DPF3: variants seen among roughly 807,000 people sequenced by gnomAD.
DPF3 encodes double PHD fingers 3, also known as zinc finger protein DPF3.
A neutral mutation model predicts 56.8 loss-of-function variants in DPF3; 18 were observed. That is an observed-to-expected ratio of 0.32 (90% CI 0.22 to 0.47). The LOEUF (loss-of-function observed/expected upper bound fraction) is 0.47, where lower values mean the gene tolerates loss of function less well. DPF3 is among the 20% of genes least tolerant of loss of function. DPF3 has a pLI of 1.00. For synonymous variants in DPF3, 188 were observed against 180.2 expected (o/e 1.04, Z -0.35); for missense variants, 403 against 488.8 (o/e 0.82, Z 1.65).
intron 3 of DPF3, among the ~76,000 whole-genome samples, chr14:72,748,472 T>C (rs747954081): frequency 1.3e-5 from 2 of 151,108 alleles, no homozygotes; most frequent in Admixed American, 6.6e-5. Context: ...GACAATGAAA[T>C]AGAAAAAAAA....
intron 1 of DPF3, among the ~76,000 whole-genome samples, chr14:72,777,230 A>G (rs11627305): frequency 0.13 from 20,058 of 150,022 alleles, 1,739 homozygotes; most frequent in Middle Eastern, 0.31. Flanking sequence ...AACACACACG[A>G]AAGCTCATCT....
chr14:72,622,016 T>C (rs965768671), intron 9 of DPF3, among the ~76,000 whole-genome samples: 3 of 152,136 alleles, frequency 2.0e-5, no homozygotes, highest in Admixed American at 6.5e-5. Flanking sequence ...TTGGGATTCA[T>C]TGTAATTAGA....
chr14:72,691,135 G>A (rs1450836185), intron 7 of DPF3, among the ~76,000 whole-genome samples: 1 of 152,192 alleles, frequency 6.6e-6, no homozygotes. Context: ...CAAGGCTCGG[G>A]GGGCACCTCC....
chr14:72,631,725 T>G (rs80323253), intron 8 of DPF3, among the ~76,000 whole-genome samples: 1 of 152,188 alleles, frequency 6.6e-6, no homozygotes. Flanking sequence ...ATGAGCAAGA[T>G]ACCTTGAGCC....
intron 4 of DPF3, 169 bp from the exon 5 acceptor site, chr14:72,723,897 T>A: frequency 1.6e-6 from 1 of 607,038 alleles, no homozygotes; most frequent in Non-Finnish European, 2.8e-6. Context: ...GAGTTTGAAC[T>A]CTTGGCACTA....
chr14:72,798,378 G>A (rs967394043), intron 1 of DPF3, among the ~76,000 whole-genome samples: 1 of 148,106 alleles, frequency 6.8e-6, no homozygotes, highest in African/African-American at 2.5e-5. Flanking sequence ...TCCTTTTGCT[G>A]TCTTCCTTTT....
At chr14:72,733,604 G>T (rs943973670) in intron 3 of DPF3, among the ~76,000 whole-genome samples, 6 of 152,060 alleles carry the variant, frequency 3.9e-5, no homozygotes, top group East Asian at 1.9e-4. Context: ...AGCCTGCTGC[G>T]TCCTCTCCCA....
intron 7 of DPF3, among the ~76,000 whole-genome samples, chr14:72,683,936 A>G (rs969821870): frequency 3.3e-5 from 5 of 152,224 alleles, no homozygotes; most frequent in Admixed American, 1.3e-4. Flanking sequence ...GCTTCTGACC[A>G]CACTGTCAGA....
intron 9 of DPF3, among the ~76,000 whole-genome samples, chr14:72,625,785 T>G (rs75313350): frequency 0.042 from 6,404 of 152,296 alleles, 240 homozygotes; most frequent in East Asian, 0.11. Context: ...TTCATAGTGA[T>G]ACCCACTATT....
intron 3 of DPF3, among the ~76,000 whole-genome samples, chr14:72,746,301 CAGGCTG>C (rs1890320905): frequency 6.6e-6 from 1 of 152,230 alleles, no homozygotes; most frequent in South Asian, 2.1e-4. Flanking sequence ...TTGGAGGTAC[CAGGCTG>C]AGGCTCGTTA....
At chr14:72,886,215 T>C (rs957095272) in intron 1 of DPF3, among the ~76,000 whole-genome samples, 1 of 151,984 alleles carries the variant, frequency 6.6e-6, no homozygotes, top group Non-Finnish European at 1.5e-5. Flanking sequence ...CTACTAAAAA[T>C]ACAAAAATTA....
At chr14:72,712,143 C>T (rs982186910) in intron 6 of DPF3, among the ~76,000 whole-genome samples, 6 of 151,902 alleles carry the variant, frequency 3.9e-5, no homozygotes, top group African/African-American at 1.2e-4. Flanking sequence ...AGAAAGCAGC[C>T]GCTGAGACTT....
intron 1 of DPF3, among the ~76,000 whole-genome samples, chr14:72,887,863 CG>C (rs1567271848): frequency 5.3e-5 from 8 of 152,100 alleles, no homozygotes; most frequent in African/African-American, 1.9e-4. Context: ...GAGGTTGAGA[CG>C]GGTTTCATCA....
At chr14:72,775,676 C>A (rs1010917479) in intron 1 of DPF3, among the ~76,000 whole-genome samples, 1 of 152,138 alleles carries the variant, frequency 6.6e-6, no homozygotes, top group African/African-American at 2.4e-5. Context: ...TATTAAAGAT[C>A]GAAGCTGCAA....
intron 8 of DPF3, among the ~76,000 whole-genome samples, chr14:72,639,539 C>G (rs1050092900): frequency 6.6e-6 from 1 of 152,168 alleles, no homozygotes; most frequent in East Asian, 1.9e-4. Context: ...CTAAGGGAAG[C>G]CAGCTGCTAT....
At chr14:72,753,195 G>A in intron 3 of DPF3, 69 bp downstream of exon 3, 5 of 1,471,306 alleles carry the variant, frequency 3.4e-6, no homozygotes, top group Non-Finnish European at 4.7e-6. Context: ...AACCAACCTT[G>A]TCCTGGGCCC....
chr14:72,783,883 CA>C (rs1416638108), intron 1 of DPF3, among the ~76,000 whole-genome samples: 5 of 152,130 alleles, frequency 3.3e-5, no homozygotes, highest in African/African-American at 9.7e-5. Context: ...CGGGTGGTGC[CA>C]GGGGCAGCGG....
In DPF3 at chr14:72,624,386, T is replaced by G. The variant is rs950529942; in HGVS notation, c.985-4402A>C. ...CAGAGTCTCACTCTGTTGCCCAAAC[T>G]GGAGTGCAGTGGTGCCATCTCGGCT... is the stretch of plus-strand genomic sequence containing the variant. On this transcript the variant is annotated intron_variant, in intron 9 of 10. Transcript: ENST00000556509. Among the ~76,000 whole-genome samples, 9 of 132,788 alleles carry G rather than the reference T, an allele frequency of 6.8e-5. No homozygotes were observed. In the East Asian group the frequency reaches 1.9e-3, roughly 27 times the overall value. The allele number at this position is 132,788 out of a possible 152,430, so 87.1% of individuals were successfully genotyped here.
At chr14:72,698,146 A>G (rs1295755015) in intron 6 of DPF3, among the ~76,000 whole-genome samples, 1 of 152,244 alleles carries the variant, frequency 6.6e-6, no homozygotes, top group African/African-American at 2.4e-5. Context: ...CCTTCCTAGG[A>G]CTAATCACGT....
Sources: gnomAD v4.1 joint callset for allele counts (sites outside exome capture counted in the v4.1 genomes callset) on GRCh38, gnomAD v4.1.1 for gene constraint, MANE v1.5 for transcripts, NCBI Gene and HGNC (gene_info 2026-07-23, HGNC 2026-07-21) for gene names.